Variants in PTPRD observed in about 807,000 individuals in gnomAD.
PTPRD encodes the protein protein tyrosine phosphatase receptor type D.
Under a neutral mutation model 214.5 loss-of-function variants are expected in PTPRD, and 34 were observed. The ratio of observed to expected loss-of-function variants is 0.16; its 90% CI spans 0.12 to 0.21. The LOEUF (loss-of-function observed/expected upper bound fraction) is 0.21. Among genes scored for constraint, PTPRD ranks in the 10% least tolerant of loss-of-function variants. PTPRD has a pLI of 1.00. For synonymous variants in PTPRD, 1,128 were observed against 845.7 expected (o/e 1.33, Z -5.79); for missense variants, 2,545 against 2,398.7 (o/e 1.06, Z -1.27).
intron 10 of PTPRD, among the ~76,000 whole-genome samples, chr9:9,071,043 G>A (rs1020303688): frequency 2.0e-5 from 3 of 152,100 alleles, no homozygotes; most frequent in Non-Finnish European, 4.4e-5. Flanking sequence ...CCTGCTGAGT[G>A]ATTGGGACCA....
intron 14 of PTPRD, among the ~76,000 whole-genome samples, chr9:8,612,152 C>G (rs2095475806): frequency 6.6e-6 from 1 of 152,018 alleles, no homozygotes; most frequent in South Asian, 2.1e-4. Flanking sequence ...GGAAAGGAAG[C>G]AGGAATAGCA....
chr9:9,954,456 A>T (rs371551257), intron 4 of PTPRD, among the ~76,000 whole-genome samples: 84 of 152,124 alleles, frequency 5.5e-4, no homozygotes, highest in Middle Eastern at 3.4e-3. Context: ...TTTTAACATT[A>T]TGAAAATACT....
At position 8,494,158 on chromosome 9, in the gene PTPRD, G is replaced by A. The variant is rs189118344; in HGVS notation, c.2350-1179C>T. 5.3e-5 allele frequency among the ~76,000 whole-genome samples: 8 copies of A among 152,240 alleles called. No individual in the cohort carries two copies. The East Asian group carries it at 1.3e-3, about 26-fold the overall frequency. On this transcript the variant is annotated intron_variant, in intron 26 of 45. Coordinates refer to ENST00000381196, the MANE Select transcript of PTPRD (RefSeq NM_002839.4). ...CAAATCTAAAGACAATGTGAGTGACGAGTACGAATTATATTGTGTGAAATA... is the reference window on the plus strand; with the variant it reads ...CAAATCTAAAGACAATGTGAGTGACAAGTACGAATTATATTGTGTGAAATA...
At chr9:10,515,852 C>T (rs946942046) in intron 2 of PTPRD, among the ~76,000 whole-genome samples, 2 of 151,886 alleles carry the variant, frequency 1.3e-5, no homozygotes, top group Non-Finnish European at 2.9e-5. Context: ...CGTTGACTGT[C>T]TTATTTTACC....
intron 4 of PTPRD, among the ~76,000 whole-genome samples, chr9:10,017,423 C>CTT (rs1270192620): frequency 1.3e-5 from 2 of 151,878 alleles, no homozygotes; most frequent in Non-Finnish European, 2.9e-5. Flanking sequence ...ATAAACAGTT[C>CTT]TTATTTTTAT....
chr9:9,473,404 G>C (rs2094774531), intron 8 of PTPRD, among the ~76,000 whole-genome samples: 1 of 152,046 alleles, frequency 6.6e-6, no homozygotes, highest in South Asian at 2.1e-4. Flanking sequence ...TCCATATCTT[G>C]TCTATTGCGA....
chr9:9,927,990 T>TA (rs59208123), intron 5 of PTPRD, among the ~76,000 whole-genome samples: 50,904 of 151,960 alleles, frequency 0.33, 8,983 homozygotes, highest in East Asian at 0.63. Context: ...AACTTGTTTT[T>TA]ATGTATTATA....
chr9:8,670,463 T>G lies in PTPRD; in HGVS notation c.65-33619A>C, dbSNP rs538149534. 9.5e-4 allele frequency among the ~76,000 whole-genome samples: 144 copies of G among 152,300 alleles called. 1 individual carries two copies. Among genetic ancestry groups the G allele is most frequent in the South Asian group, 1.9e-3 (9 of 4,826 alleles). On this transcript the variant is annotated intron_variant, in intron 12 of 45. Transcript: ENST00000381196. Reference sequence around the variant, plus strand: ...TAAGTGAGATCATGCAATATTTTGCTTTCTGTGTCTGGCTAATAAGTAGAT... The same window carrying G: ...TAAGTGAGATCATGCAATATTTTGCGTTCTGTGTCTGGCTAATAAGTAGAT...
chr9:9,705,391 T>G (rs1163287089), intron 7 of PTPRD, among the ~76,000 whole-genome samples: 1 of 152,184 alleles, frequency 6.6e-6, no homozygotes, highest in African/African-American at 2.4e-5. Flanking sequence ...GAAATATGAT[T>G]ATGTTGAAAT....
At chr9:10,188,940 A>G (rs1593561666) in intron 3 of PTPRD, among the ~76,000 whole-genome samples, 1 of 152,160 alleles carries the variant, frequency 6.6e-6, no homozygotes, top group Admixed American at 6.6e-5. Context: ...GGGGTCACTC[A>G]GTCTGCTGTA....
chr9:9,950,042 C>T (rs560969385), intron 4 of PTPRD, among the ~76,000 whole-genome samples: 1 of 152,152 alleles, frequency 6.6e-6, no homozygotes, highest in Non-Finnish European at 1.5e-5. Context: ...TTATTCTTAA[C>T]GTACCATCAT....
At chr9:10,479,440 A>T (rs2099082741) in intron 2 of PTPRD, among the ~76,000 whole-genome samples, 1 of 151,962 alleles carries the variant, frequency 6.6e-6, no homozygotes, top group African/African-American at 2.4e-5. Context: ...CCTAAAAGAA[A>T]CTCAAACTTA....
chr9:9,195,311 AAAAT>A (rs756522939), intron 9 of PTPRD, among the ~76,000 whole-genome samples: 20 of 152,182 alleles, frequency 1.3e-4, no homozygotes, highest in Admixed American at 4.6e-4. Context: ...ATATGTTTGG[AAAAT>A]AAATCAAAAT....
Position 8,533,571 on chromosome 9 carries a change from G to C in PTPRD, c.353-4792C>G, listed in dbSNP as rs1300698314. Among the ~76,000 whole-genome samples, 4 of 151,912 alleles carry C rather than the reference G, an allele frequency of 2.6e-5. No individual in the cohort carries two copies. The South Asian group carries it at 8.3e-4, about 31-fold the overall frequency. Reference sequence around the variant, plus strand: ...AAAACAAAAACACAATATGGATGAAGAGACAAGCAGCTGTTATCATGAAGC... The same window carrying C: ...AAAACAAAAACACAATATGGATGAACAGACAAGCAGCTGTTATCATGAAGC... On this transcript the variant is annotated intron_variant, in intron 14 of 45. Coordinates refer to ENST00000381196, the MANE Select transcript of PTPRD (RefSeq NM_002839.4).
intron 12 of PTPRD, among the ~76,000 whole-genome samples, chr9:8,684,371 A>G (rs1285426293): frequency 6.6e-6 from 1 of 152,134 alleles, no homozygotes; most frequent in East Asian, 1.9e-4. Flanking sequence ...GGGAGAAGCT[A>G]ATAAGGTGCT....
intron 7 of PTPRD, among the ~76,000 whole-genome samples, chr9:9,647,255 T>G (rs1032414818): frequency 6.6e-6 from 1 of 152,198 alleles, no homozygotes; most frequent in African/African-American, 2.4e-5. Flanking sequence ...TTATTGCTTA[T>G]ATTCTCAAAC....
At chr9:8,851,591 G>A (rs1339939073) in intron 11 of PTPRD, among the ~76,000 whole-genome samples, 1 of 152,118 alleles carries the variant, frequency 6.6e-6, no homozygotes, top group East Asian at 1.9e-4. Flanking sequence ...ACAAATAGCT[G>A]AAGACAACAG....
chr9:9,447,528 G>C (rs1276234853), intron 8 of PTPRD, among the ~76,000 whole-genome samples: 1 of 152,108 alleles, frequency 6.6e-6, no homozygotes, highest in Non-Finnish European at 1.5e-5. Context: ...TAGGAAGTAA[G>C]AGGGAGGAAG....
chr9:10,341,496 G>C (rs1311049644), intron 2 of PTPRD, among the ~76,000 whole-genome samples: 1 of 151,900 alleles, frequency 6.6e-6, no homozygotes, highest in Non-Finnish European at 1.5e-5. Flanking sequence ...GCGTTTCAAA[G>C]ATAATATTGG....
Sources: allele counts gnomAD v4.1 joint callset (sites outside exome capture counted in the v4.1 genomes callset), GRCh38; gene constraint gnomAD v4.1.1; transcripts MANE v1.5; gene names NCBI Gene and HGNC (gene_info 2026-07-23, HGNC 2026-07-21).